Variants in CNGB1 observed in about 807,000 individuals in gnomAD.
CNGB1 encodes the protein cyclic nucleotide-gated channel beta-1.
In CNGB1, 126 loss-of-function variants were observed where a neutral mutation model predicts 151.7. That is an observed-to-expected ratio of 0.83 (90% confidence interval 0.72 to 0.96). The LOEUF is 0.96. Ranked by LOEUF, CNGB1 falls within the 40% of genes least tolerant of loss-of-function variation. The pLI, the probability that CNGB1 is intolerant of heterozygous loss-of-function variation, is 0.00. For missense variants in CNGB1, 1,698 were observed against 1,627.0 expected (o/e 1.04, Z -0.75); for synonymous variants, 623 against 635.1 (o/e 0.98, Z 0.29).
intron 32 of CNGB1, 142 bp downstream of exon 32, chr16:57,887,713 G>A: frequency 1.2e-6 from 1 of 826,422 alleles, no homozygotes; most frequent in South Asian, 1.4e-5. Flanking sequence ...TCTGTCACTG[G>A]TAACCAAATG....
intron 8 of CNGB1, 78 bp from the exon 9 acceptor site, chr16:57,960,608 T>C (rs565150759): frequency 6.3e-7 from 1 of 1,577,312 alleles, no homozygotes; most frequent in Non-Finnish European, 8.7e-7. Context: ...ACCAGCTGTG[T>C]CCTGGCCCAA....
Position 57,950,390 on chromosome 16 carries a change from T to G in CNGB1, c.1025A>C (p.Lys342Thr). The change falls in exon 13 of 33, where the codon AAG becomes ACG. Residue 342 changes from lysine (K) to threonine (T), a missense_variant. By Grantham distance (78) the Lys-to-Thr change is moderately conservative (BLOSUM62 -1). Coordinates refer to ENST00000251102, the MANE Select transcript of CNGB1 (RefSeq NM_001297.5). ...TTCTCAGACTCCCCACCTGGGCATC[T>G]TCTCCACAGCTTTGTTCTCTTCTTC... ...AYEEENKAVE[K>T]MPRELSRIEE... 6.2e-7 allele frequency: 1 copy of G among 1,614,236 alleles called. No homozygotes were observed. The highest frequency in any genetic ancestry group is 8.5e-7 in the Non-Finnish European group (1 of 1,180,044).
chr16:57,952,810 C>G (rs1210144091), intron 12 of CNGB1, among the ~76,000 whole-genome samples: 1 of 152,132 alleles, frequency 6.6e-6, no homozygotes, highest in African/African-American at 2.4e-5. Flanking sequence ...CTCATTTCCT[C>G]TTTCCATCTC....
At chr16:57,886,170 A>G (rs540171771) in intron 32 of CNGB1, among the ~76,000 whole-genome samples, 5 of 152,144 alleles carry the variant, frequency 3.3e-5, no homozygotes, top group Non-Finnish European at 7.4e-5. Flanking sequence ...TGGGATTTGG[A>G]TTTGTGTCTC....
intron 14 of CNGB1, among the ~76,000 whole-genome samples, chr16:57,947,154 G>A (rs759789836): frequency 2.0e-5 from 3 of 151,720 alleles, no homozygotes; most frequent in Non-Finnish European, 4.4e-5. Context: ...TATGGGTATA[G>A]TGCAGATATG....
chr16:57,944,355 G>A (rs1277607565), intron 14 of CNGB1, among the ~76,000 whole-genome samples: 1 of 152,172 alleles, frequency 6.6e-6, no homozygotes, highest in East Asian at 1.9e-4. Flanking sequence ...GGAGAGAATA[G>A]AATGGTAGTT....
chr16:57,896,750 AAATAAATAAAT>A (rs1238903068), intron 31 of CNGB1, among the ~76,000 whole-genome samples: 83 of 149,112 alleles, frequency 5.6e-4, no homozygotes, highest in Non-Finnish European at 4.8e-4. Flanking sequence ...ATAAATAAAT[AAATAAATAAAT>A]AAAATAACTG....
intron 31 of CNGB1, 43 bp downstream of exon 31, chr16:57,897,354 T>G (rs757836780): frequency 9.3e-6 from 15 of 1,609,900 alleles, no homozygotes; most frequent in Non-Finnish European, 1.2e-5. Flanking sequence ...AGAAATTCAT[T>G]GTCCTTAGCA....
intron 29 of CNGB1, among the ~76,000 whole-genome samples, chr16:57,899,548 G>A (rs1259891405): frequency 6.6e-6 from 1 of 152,190 alleles, no homozygotes; most frequent in East Asian, 1.9e-4. Context: ...GCTGAGGTAG[G>A]TGAAATGCTT....
intron 16 of CNGB1, among the ~76,000 whole-genome samples, chr16:57,933,794 C>T (rs1219180938): frequency 7.1e-6 from 1 of 141,260 alleles, no homozygotes; most frequent in African/African-American, 2.7e-5. Context: ...GTGATCTCGG[C>T]TCACTGCAAC....
chr16:57,931,571 A>G (rs2149371920), intron 17 of CNGB1, 145 bp downstream of exon 17: 1 of 909,384 alleles, frequency 1.1e-6, no homozygotes. Flanking sequence ...AAAACGAGGA[A>G]GGGGCATCAT....
At chr16:57,904,664 C>T in intron 26 of CNGB1, 70 bp downstream of exon 26, 2 of 1,605,520 alleles carry the variant, frequency 1.2e-6, no homozygotes, top group Non-Finnish European at 1.7e-6. Flanking sequence ...CAGAGGGTGA[C>T]ATTTCTGGCA....
At chr16:57,960,301 C>A (rs570003020) in intron 9 of CNGB1, among the ~76,000 whole-genome samples, 181 bp downstream of exon 9, 15 of 152,302 alleles carry the variant, frequency 9.8e-5, no homozygotes, top group African/African-American at 3.6e-4. Context: ...GGCTTCCCAG[C>A]CTGGACTGGG....
intron 4 of CNGB1, 167 bp downstream of exon 4, chr16:57,963,963 A>G: frequency 3.2e-6 from 2 of 628,890 alleles, no homozygotes; most frequent in Non-Finnish European, 2.8e-6. Flanking sequence ...CCCGCCCTCC[A>G]CCTGAAGCTC....
intron 25 of CNGB1, among the ~76,000 whole-genome samples, chr16:57,906,750 G>A (rs896642069): frequency 1.3e-5 from 2 of 152,300 alleles, no homozygotes; most frequent in African/African-American, 2.4e-5. Context: ...GGACATAGGC[G>A]CGATGTCCAC....
chr16:57,939,449 G>A lies in CNGB1; in HGVS notation c.1353C>T (p.Ala451=), dbSNP rs779439140. 74 of 1,613,964 alleles carry A rather than the reference G, an allele frequency of 4.6e-5. No homozygotes were observed. The highest frequency in any genetic ancestry group is 6.0e-5 in the Non-Finnish European group (71 of 1,180,020). The part of the protein sequence containing the change: ...AETKEEPEAE[A]EAASSGVPAT... ...ACCTACCTCCTGAACTGGCAGCCTC[G>A]GCCTCAGCCTCAGGCTCCTCCTTGG... The change falls in exon 16 of 33, where the codon GCC becomes GCT. Residue 451 remains alanine, a synonymous_variant. Coordinates refer to ENST00000251102, the MANE Select transcript of CNGB1 (RefSeq NM_001297.5).
At chr16:57,967,933 A>G (rs1567401745) in intron 1 of CNGB1, among the ~76,000 whole-genome samples, 1 of 152,192 alleles carries the variant, frequency 6.6e-6, no homozygotes, top group Non-Finnish European at 1.5e-5. Flanking sequence ...GAGACTGGTT[A>G]TTGGAAAGTA....
intron 23 of CNGB1, 97 bp downstream of exon 23, chr16:57,915,152 C>T (rs1348578227): frequency 4.2e-6 from 4 of 956,570 alleles, no homozygotes; most frequent in Non-Finnish European, 6.5e-6. Context: ...GAGGAACTCC[C>T]CTCCCCAGTG....
chr16:57,910,707 A>T (rs1567373164), intron 25 of CNGB1, among the ~76,000 whole-genome samples: 7 of 113,496 alleles, frequency 6.2e-5, no homozygotes, highest in African/African-American at 7.0e-5. Flanking sequence ...CCAAGCAGAG[A>T]TTTTTTTAAA....
Sources: gnomAD v4.1 joint callset for allele counts (sites outside exome capture counted in the v4.1 genomes callset) on GRCh38, gnomAD v4.1.1 for gene constraint, MANE v1.5 for transcripts, NCBI Gene and HGNC (gene_info 2026-07-23, HGNC 2026-07-21) for gene names.